Variants in VPS13A observed in about 807,000 individuals in gnomAD.
The protein encoded by VPS13A is intermembrane lipid transfer protein VPS13A.
In VPS13A, 264 loss-of-function variants were observed where a neutral mutation model predicts 390.9. The ratio of observed to expected loss-of-function variants is 0.68; its 90% confidence interval spans 0.61 to 0.75. The LOEUF (loss-of-function observed/expected upper bound fraction) is 0.75, where lower values mean the gene tolerates loss of function less well. Among genes scored for constraint, VPS13A ranks in the 30% least tolerant of loss-of-function variants. VPS13A has a pLI of 0.00. For missense variants in VPS13A, 3,409 were observed against 3,733.9 expected, an observed-to-expected ratio of 0.91 and a Z score of 2.27; for synonymous variants, 1,231 against 1,227.1, an observed-to-expected ratio of 1.00 and a Z score of -0.07.
At chr9:77,226,183 T>A (rs912063607) in intron 14 of VPS13A, among the ~76,000 whole-genome samples, 195 bp downstream of exon 14, 1 of 152,118 alleles carries the variant, frequency 6.6e-6, no homozygotes, top group African/African-American at 2.4e-5. Flanking sequence ...TGGGAAAAAA[T>A]CTTTCTAAAT....
chr9:77,288,369 T>C (rs1054383203), intron 31 of VPS13A, among the ~76,000 whole-genome samples: 1 of 152,182 alleles, frequency 6.6e-6, no homozygotes, highest in Non-Finnish European at 1.5e-5. Context: ...GTTTAAATTA[T>C]TGATTTGAGA....
chr9:77,195,844 G>C (rs908676071), intron 1 of VPS13A, among the ~76,000 whole-genome samples: 5 of 151,576 alleles, frequency 3.3e-5, no homozygotes, highest in Non-Finnish European at 4.4e-5. Context: ...CCTTCTGCTA[G>C]GTTTGCATTT....
At chr9:77,244,563 A>G (rs2022445) in intron 19 of VPS13A, among the ~76,000 whole-genome samples, 30,883 of 152,096 alleles carry the variant, frequency 0.2, 3,335 homozygotes, top group Middle Eastern at 0.26. Flanking sequence ...TTATGTGCAC[A>G]TTATGCATTG....
rs76002552 is a variant in VPS13A, at chr9:77,419,362, A to G, written c.*3356A>G. 14 of 152,368 alleles carry G rather than the reference A, an allele frequency of 9.2e-5. No homozygotes were observed. In the East Asian group the frequency reaches 1.9e-3, roughly 21 times the overall value. 9.4% of individuals were successfully genotyped at this position (152,368 alleles called of 1,614,324 possible). A position where few individuals can be genotyped will look rare whatever the true frequency, so the allele number is the denominator to read the frequency against. On this transcript the variant is annotated 3_prime_UTR_variant, in exon 72 of 72. Transcript: ENST00000360280. ...ACTGTTTCAGCTAAATATTCTATTT[A>G]CTGTGTATACTGGGTCACAATATAA...
chr9:77,232,050 A>G (rs113272623), intron 17 of VPS13A, among the ~76,000 whole-genome samples: 27 of 152,284 alleles, frequency 1.8e-4, no homozygotes, highest in African/African-American at 5.3e-4. Context: ...TTGAAAATCA[A>G]TTAGCCATAG....
chr9:77,323,264 G>A lies in VPS13A; in HGVS notation c.5991+37G>A, dbSNP rs757207340. The stretch of plus-strand genomic sequence containing the variant: ...TCAATTTTGGGGGATGTCCTGTTAT[G>A]CATATCTGTGTGCTAATAAAATTAA... On this transcript the variant is annotated intron_variant, in intron 45 of 71. Transcript: ENST00000360280. 3 of 1,605,914 alleles carry A rather than the reference G, an allele frequency of 1.9e-6. No homozygotes were observed. The South Asian group carries it at 3.3e-5, about 18-fold the overall frequency.
rs1275702138 is a variant in VPS13A, at chr9:77,316,269, G to T, written c.4726G>T (p.Ala1576Ser). 1 of 1,613,258 alleles carries T rather than the reference G, an allele frequency of 6.2e-7. No individual in the cohort carries two copies. Among genetic ancestry groups the T allele is most frequent in the South Asian group, 1.1e-5 (1 of 91,036 alleles). ...VADMTKNDAP[A>S]LVITTQCEIC... ...TGACATGACAAAAAATGATGCTCCTGCTTTAGTCATTACAACACAATGTGA... is the reference window on the plus strand; with the variant it reads ...TGACATGACAAAAAATGATGCTCCTTCTTTAGTCATTACAACACAATGTGA... Residue 1576 changes from alanine to serine, a missense_variant, in exon 39 of 72, where the codon GCT becomes TCT. Physicochemically the swap from Ala to Ser is moderately conservative, Grantham distance 99. Transcript: ENST00000360280.
intron 33 of VPS13A, among the ~76,000 whole-genome samples, chr9:77,300,615 C>G (rs1828285184): frequency 6.6e-6 from 1 of 152,138 alleles, no homozygotes; most frequent in African/African-American, 2.4e-5. Flanking sequence ...GCCTGTCATC[C>G]CAGATACTTA....
At chr9:77,292,500 C>G (rs1001100969) in intron 31 of VPS13A, among the ~76,000 whole-genome samples, 1 of 151,918 alleles carries the variant, frequency 6.6e-6, no homozygotes, top group African/African-American at 2.4e-5. Flanking sequence ...TTGGAGGGGC[C>G]CTCACTCCAG....
At chr9:77,196,625 C>G in intron 1 of VPS13A, among the ~76,000 whole-genome samples, 1 of 151,598 alleles carries the variant, frequency 6.6e-6, no homozygotes, top group East Asian at 1.9e-4. Context: ...ATTATGCCTT[C>G]CAGGTGCGTC....
chr9:77,239,806 C>T (rs1824362322), intron 19 of VPS13A, among the ~76,000 whole-genome samples: 1 of 151,732 alleles, frequency 6.6e-6, no homozygotes. Flanking sequence ...TGGATAAATT[C>T]TAGGATACCT....
chr9:77,408,678 G>T (rs542288313), intron 71 of VPS13A, among the ~76,000 whole-genome samples: 1 of 152,208 alleles, frequency 6.6e-6, no homozygotes, highest in South Asian at 2.1e-4. Flanking sequence ...CTACGCCCAC[G>T]GAGCCTTGCT....
Position 77,366,866 on chromosome 9 carries a change from T to C in VPS13A, c.8465T>C (p.Val2822Ala). ...GATLTDVQDV[V>A]FKLAFFELNY... is the part of the protein sequence containing the mutation. ...ACACTGACAGATGTACAAGATGTAG[T>C]TTTTAAGTATGTTTAGTATTCAAAT... The change falls in exon 61 of 72, where the codon GTT becomes GCT. Residue 2822 changes from valine to alanine, a missense_variant. Coordinates refer to ENST00000360280, the MANE Select transcript of VPS13A (RefSeq NM_033305.3). 6.2e-7 allele frequency: 1 copy of C among 1,612,666 alleles called. No individual in the cohort carries two copies. The highest frequency in any genetic ancestry group is 8.5e-7 in the Non-Finnish European group (1 of 1,179,242).
chr9:77,313,304 T>TA (rs1829201197), intron 35 of VPS13A, among the ~76,000 whole-genome samples: 1 of 152,208 alleles, frequency 6.6e-6, no homozygotes, highest in African/African-American at 2.4e-5. Context: ...TGGAGGGATA[T>TA]AAGTGTTCAG....
Position 77,221,302 on chromosome 9 carries a change from T to C in VPS13A, c.1107T>C (p.Tyr369=). ...AAGTGAAGCAATATAAAGAACTGTA[T>C]AAAAAAAAGTTAACAAGTAAGAAGC... ...RQKVKQYKEL[Y]KKKLTSKKPP... The change falls in exon 13 of 72, where the codon TAT becomes TAC. Residue 369 remains tyrosine, a synonymous_variant. Coordinates refer to ENST00000360280, the MANE Select transcript of VPS13A (RefSeq NM_033305.3). The C allele has an allele frequency of 6.2e-7, 1 of 1,613,086 alleles. No homozygotes were observed. Among genetic ancestry groups the C allele is most frequent in the South Asian group, 1.1e-5 (1 of 91,050 alleles).
chr9:77,404,906 G>A (rs1304268645), intron 69 of VPS13A, among the ~76,000 whole-genome samples: 1 of 152,120 alleles, frequency 6.6e-6, no homozygotes, highest in Non-Finnish European at 1.5e-5. Context: ...GTAAAAGAGG[G>A]GAGCAGGGAC....
chr9:77,342,131 A>G (rs75520482), intron 50 of VPS13A, among the ~76,000 whole-genome samples: 2,283 of 152,218 alleles, frequency 0.015, 27 homozygotes, highest in Middle Eastern at 0.027. Context: ...AAAGTTAGCA[A>G]TTGTCGAGAG....
At chr9:77,383,187 C>T (rs957667105) in intron 68 of VPS13A, among the ~76,000 whole-genome samples, 1 of 151,894 alleles carries the variant, frequency 6.6e-6, no homozygotes, top group Non-Finnish European at 1.5e-5. Flanking sequence ...ATAAAATATA[C>T]TTCTAACTCT....
At chr9:77,248,306 C>T (rs1040656559) in intron 20 of VPS13A, among the ~76,000 whole-genome samples, 9 of 151,590 alleles carry the variant, frequency 5.9e-5, no homozygotes, top group African/African-American at 2.2e-4. Flanking sequence ...AGCTCCGCCT[C>T]CTGGGTTCAT....
Sources: gnomAD v4.1 joint callset for allele counts (sites outside exome capture counted in the v4.1 genomes callset) on GRCh38, gnomAD v4.1.1 for gene constraint, MANE v1.5 for transcripts, NCBI Gene and HGNC (gene_info 2026-07-23, HGNC 2026-07-21) for gene names.